APLF: variants seen among roughly 807,000 people sequenced by gnomAD.
APLF encodes the protein aprataxin and PNK-like factor.
In APLF, 61 loss-of-function variants were observed where a neutral mutation model predicts 55.6. The observed-to-expected ratio is 1.10, with a 90% CI of 0.89 to 1.36. The LOEUF (loss-of-function observed/expected upper bound fraction) is 1.36, where lower values mean the gene tolerates loss of function less well. Ranked by LOEUF, APLF falls within the 40% of genes most tolerant of loss-of-function variation. The pLI is 0.00. For synonymous variants in APLF, 207 were observed against 214.8 expected, an observed-to-expected ratio of 0.96 and a Z score of 0.32; for missense variants, 611 against 602.5, an observed-to-expected ratio of 1.01 and a Z score of -0.15.
chr2:68,541,115 C>G lies in APLF; in HGVS notation c.1160+2888C>G, dbSNP rs187094937. 3.3e-4 allele frequency among the ~76,000 whole-genome samples: 50 copies of G among 152,234 alleles called. 1 individual carries two copies. In the East Asian group the frequency reaches 8.9e-3, roughly 27 times the overall value. ...ATATTCATATGAAAAGATAATGAAT[C>G]TTAACTCCTGCCTTATACCTATCAC... On this transcript the variant is annotated intron_variant, in intron 7 of 9. Coordinates refer to ENST00000303795, the MANE Select transcript of APLF (RefSeq NM_173545.3).
chr2:68,528,448 G>A (rs1670145912), intron 6 of APLF: 3 of 1,533,894 alleles, frequency 2.0e-6, no homozygotes, highest in Admixed American at 3.9e-5. Context: ...TCAGTTGCAG[G>A]GGAGGGGTTG....
At chr2:68,479,921 T>C (rs1403669747) in intron 1 of APLF, among the ~76,000 whole-genome samples, 1 of 152,208 alleles carries the variant, frequency 6.6e-6, no homozygotes, top group Non-Finnish European at 1.5e-5. Flanking sequence ...ACCTATATGA[T>C]GATCCACTTC....
rs1363180423 is a variant in APLF, at chr2:68,488,566, G to A, written c.97-1624G>A. 1.3e-5 allele frequency among the ~76,000 whole-genome samples: 2 copies of A among 151,800 alleles called. 1 individual carries two copies. The highest frequency in any genetic ancestry group is 4.8e-5 in the African/African-American group (2 of 41,250). On this transcript the variant is annotated intron_variant, in intron 1 of 9. Coordinates refer to ENST00000303795, the MANE Select transcript of APLF (RefSeq NM_173545.3). The stretch of plus-strand genomic sequence containing the variant: ...GCCCAGGCTAGTCTTGAATTCCTGG[G>A]CTCAAGGAGTCTTCCCACTTCAGCC...
chr2:68,523,598 T>C (rs1669952553), intron 5 of APLF, among the ~76,000 whole-genome samples: 1 of 151,824 alleles, frequency 6.6e-6, no homozygotes, highest in Admixed American at 6.6e-5. Flanking sequence ...GAAGGTAAGA[T>C]TGGATGGATG....
At position 68,562,806 on chromosome 2, in the gene APLF, A is replaced by G. The variant is rs1191603556; in HGVS notation, c.1287-4535A>G. 9.2e-5 allele frequency among the ~76,000 whole-genome samples: 14 copies of G among 152,070 alleles called. 1 individual carries two copies. Among genetic ancestry groups the G allele is most frequent in the Non-Finnish European group, 2.1e-4 (14 of 67,970 alleles). On this transcript the variant is annotated intron_variant, in intron 8 of 9. Coordinates refer to ENST00000303795, the MANE Select transcript of APLF (RefSeq NM_173545.3). ...ATTATGAAGGACCTTGAAGGAAAAG[A>G]TAATTTAAGAATGTAGCTTTTGAAG... is the stretch of plus-strand genomic sequence containing the variant.
intron 7 of APLF, 93 bp from the exon 8 acceptor site, chr2:68,545,094 C>A: frequency 7.0e-7 from 1 of 1,425,214 alleles, no homozygotes; most frequent in Non-Finnish European, 9.6e-7. Context: ...TCAAGGATAG[C>A]CAGATGTGGA....
At chr2:68,497,252 G>A (rs1008375372) in intron 2 of APLF, among the ~76,000 whole-genome samples, 9 of 152,128 alleles carry the variant, frequency 5.9e-5, no homozygotes, top group Non-Finnish European at 1.3e-4. Context: ...GCAAGCGAGA[G>A]AGAATGGGAG....
chr2:68,518,435 A>G (rs1179827978), intron 5 of APLF, among the ~76,000 whole-genome samples: 1 of 113,006 alleles, frequency 8.8e-6, no homozygotes, highest in Non-Finnish European at 1.6e-5. Context: ...TTTATTATAT[A>G]ATATATAATA....
rs185541990 is a variant in APLF, at chr2:68,517,510, A to T, written c.622+3830A>T. 6.4e-3 allele frequency among the ~76,000 whole-genome samples: 896 copies of T among 140,440 alleles called. 2 individuals are homozygous for T. The highest frequency in any genetic ancestry group is 0.022 in the Middle Eastern group (2 of 90). The allele number at this position is 140,440 out of a possible 152,430, so 92.1% of individuals were successfully genotyped here. On this transcript the variant is annotated intron_variant, in intron 5 of 9. Transcript: ENST00000303795. ...TAATATATCAATATGTTATCACTATATATTAATATATCAATATATGTTATT... is the reference window on the plus strand; with the variant it reads ...TAATATATCAATATGTTATCACTATTTATTAATATATCAATATATGTTATT...
At chr2:68,569,675 G>A (rs906526681) in intron 9 of APLF, among the ~76,000 whole-genome samples, 1 of 152,150 alleles carries the variant, frequency 6.6e-6, no homozygotes, top group Non-Finnish European at 1.5e-5. Flanking sequence ...GAAGCCTGGA[G>A]ATTAGTTAGG....
intron 7 of APLF, among the ~76,000 whole-genome samples, chr2:68,540,432 C>G (rs919572777): frequency 3.3e-5 from 5 of 152,014 alleles, no homozygotes; most frequent in Admixed American, 3.3e-4. Context: ...TGGGTTGGTT[C>G]CAAGTCTTTG....
At chr2:68,488,441 A>G (rs1573163573) in intron 1 of APLF, among the ~76,000 whole-genome samples, 1 of 149,410 alleles carries the variant, frequency 6.7e-6, no homozygotes, top group Non-Finnish European at 1.5e-5. Context: ...AGCAATCTTC[A>G]TACCTCAGCC....
At chr2:68,503,634 T>C (rs922200863) in intron 3 of APLF, among the ~76,000 whole-genome samples, 1 of 152,064 alleles carries the variant, frequency 6.6e-6, no homozygotes, top group African/African-American at 2.4e-5. Flanking sequence ...AGAGAAGTCA[T>C]AGGGAAATTG....
At chr2:68,564,294 AG>A (rs1309570404) in intron 8 of APLF, among the ~76,000 whole-genome samples, 1 of 152,134 alleles carries the variant, frequency 6.6e-6, no homozygotes, top group Non-Finnish European at 1.5e-5. Context: ...TTTCATCAAA[AG>A]GTCAAATTTG....
intron 5 of APLF, among the ~76,000 whole-genome samples, chr2:68,519,174 C>T (rs1176957053): frequency 3.0e-5 from 4 of 133,106 alleles, no homozygotes; most frequent in Admixed American, 8.1e-5. Flanking sequence ...AAAATTGGAC[C>T]AATGTGACTA....
At chr2:68,503,149 C>A (rs1157163302) in intron 3 of APLF, among the ~76,000 whole-genome samples, 1 of 152,100 alleles carries the variant, frequency 6.6e-6, no homozygotes, top group African/African-American at 2.4e-5. Flanking sequence ...AGCAGTTGCT[C>A]CCACAGGTGG....
intron 6 of APLF, chr2:68,528,419 C>T (rs1670145490): frequency 6.5e-7 from 1 of 1,534,390 alleles, no homozygotes; most frequent in Non-Finnish European, 8.7e-7. Flanking sequence ...CGGTGGGGGC[C>T]TCTCATCTCT....
chr2:68,565,164 C>T (rs1324610981), intron 8 of APLF, among the ~76,000 whole-genome samples: 1 of 152,002 alleles, frequency 6.6e-6, no homozygotes, highest in Non-Finnish European at 1.5e-5. Flanking sequence ...CTAGTTAAAA[C>T]CTATCTCGGA....
At chr2:68,556,631 T>C (rs544941689) in intron 8 of APLF, among the ~76,000 whole-genome samples, 14 of 152,314 alleles carry the variant, frequency 9.2e-5, no homozygotes, top group African/African-American at 3.1e-4. Context: ...AACACACTGA[T>C]ATGAATGGAG....
Sources: allele counts gnomAD v4.1 joint callset (sites outside exome capture counted in the v4.1 genomes callset), GRCh38; gene constraint gnomAD v4.1.1; transcripts MANE v1.5; gene names NCBI Gene and HGNC (gene_info 2026-07-23, HGNC 2026-07-21).